Variants in FMN2 observed in about 807,000 individuals in gnomAD.
FMN2 encodes the protein formin-2.
Under a neutral mutation model 142.3 loss-of-function variants are expected in FMN2, and 51 were observed. The observed-to-expected ratio is 0.36, with a 90% CI of 0.29 to 0.45. The LOEUF is 0.45. Among genes scored for constraint, FMN2 ranks in the 20% least tolerant of loss-of-function variants. FMN2 has a pLI of 1.00. For missense variants in FMN2, 1,936 were observed against 2,122.8 expected (o/e 0.91, Z 1.73); for synonymous variants, 882 against 869.8 (o/e 1.01, Z -0.25).
chr1:240,277,437 C>CTTT (rs11444913), intron 7 of FMN2, among the ~76,000 whole-genome samples: 3,010 of 109,374 alleles, frequency 0.028, 98 homozygotes, highest in African/African-American at 0.08. Flanking sequence ...TCTGCCTTTT[C>CTTT]TTTTTTTTTT....
At chr1:240,360,672 G>A (rs1281865647) in intron 14 of FMN2, among the ~76,000 whole-genome samples, 3 of 152,088 alleles carry the variant, frequency 2.0e-5, no homozygotes, top group Non-Finnish European at 2.9e-5. Flanking sequence ...GAGAGTTTAC[G>A]TATGTTTATT....
Position 240,410,552 on chromosome 1 carries a change from A to G in FMN2, c.4910+17990A>G, listed in dbSNP as rs183054293. Among the ~76,000 whole-genome samples, 47 of 152,338 alleles carry G rather than the reference A, an allele frequency of 3.1e-4. No homozygotes were observed. In the East Asian group the frequency reaches 6.9e-3, roughly 22 times the overall value. On this transcript the variant is annotated intron_variant, in intron 15 of 17. Transcript: ENST00000319653. ...TTTTTCCTCAGATCATCAACCAAAT[A>G]AATTCCAAAAGGATTAAGGAAGTAA... is the stretch of plus-strand genomic sequence containing the variant.
At chr1:240,354,046 C>G (rs1339404033) in intron 13 of FMN2, among the ~76,000 whole-genome samples, 1 of 152,124 alleles carries the variant, frequency 6.6e-6, no homozygotes. Context: ...TGCTACAAAT[C>G]ATGGTGTAGG....
rs771600553 is a variant in FMN2 at position 240,207,472 on chromosome 1, C to T, written c.2660C>T (p.Thr887Ile). ...CCACCTCCCCCTCTCCCTGGCATGA[C>T]AGTGCCTACTCTGCCCAGTACAGCC... is the stretch of plus-strand genomic sequence containing the variant. ...PPPPPPLPGM[T>I]VPTLPSTAIP... Residue 887 changes from threonine to isoleucine, a missense_variant, in exon 5 of 18, where the codon ACA (threonine) becomes ATA (isoleucine). Physicochemically the swap from Thr to Ile is moderately conservative, Grantham distance 89 (BLOSUM62 -1). This residue lies in a region of FMN2 where 478 missense variants were observed against 462.8 expected (regional missense o/e 1.03). Transcript: ENST00000319653. The T allele has an allele frequency of 6.2e-7, 1 of 1,613,050 alleles. No homozygotes were observed. Among genetic ancestry groups the T allele is most frequent in the Admixed American group, 1.7e-5 (1 of 59,930 alleles).
At chr1:240,275,841 G>A (rs1026082562) in intron 7 of FMN2, among the ~76,000 whole-genome samples, 1 of 152,188 alleles carries the variant, frequency 6.6e-6, no homozygotes, top group African/African-American at 2.4e-5. Context: ...CCAATGACCA[G>A]TAATGATGAG....
chr1:240,448,067 T>A (rs1169221259), intron 16 of FMN2, among the ~76,000 whole-genome samples: 1 of 152,192 alleles, frequency 6.6e-6, no homozygotes. Context: ...GTACAACTCC[T>A]GCTACTTCCC....
chr1:240,254,128 G>A (rs1298957429), intron 6 of FMN2, among the ~76,000 whole-genome samples: 1 of 152,160 alleles, frequency 6.6e-6, no homozygotes, highest in Non-Finnish European at 1.5e-5. Flanking sequence ...AGTGGGCTGG[G>A]TGGCTGGGAG....
chr1:240,424,872 G>T (rs1370432924), intron 15 of FMN2, among the ~76,000 whole-genome samples: 1 of 152,158 alleles, frequency 6.6e-6, no homozygotes, highest in Non-Finnish European at 1.5e-5. Flanking sequence ...CAAAAAATTT[G>T]CCTCCAGAAA....
chr1:240,107,622 T>TCATC (rs1262804942), intron 1 of FMN2, among the ~76,000 whole-genome samples: 1 of 152,206 alleles, frequency 6.6e-6, no homozygotes, highest in Non-Finnish European at 1.5e-5. Flanking sequence ...TTGGTAGTTA[T>TCATC]CATCATATGT....
chr1:240,233,808 G>T (rs1165996636), intron 6 of FMN2, among the ~76,000 whole-genome samples: 3 of 152,108 alleles, frequency 2.0e-5, no homozygotes, highest in Admixed American at 6.6e-5. Context: ...GAAGCAAGAG[G>T]CAGGCGGACT....
chr1:240,360,573 A>G (rs1672428014), intron 14 of FMN2, among the ~76,000 whole-genome samples: 1 of 152,174 alleles, frequency 6.6e-6, no homozygotes, highest in Admixed American at 6.5e-5. Flanking sequence ...TGAAACCATA[A>G]GAAGGGTGCT....
At chr1:240,384,489 C>T (rs1030037798) in intron 14 of FMN2, among the ~76,000 whole-genome samples, 1 of 152,028 alleles carries the variant, frequency 6.6e-6, no homozygotes, top group African/African-American at 2.4e-5. Context: ...CTTGACATCT[C>T]GAACTATGGT....
chr1:240,388,353 TA>T, intron 14 of FMN2, among the ~76,000 whole-genome samples: 1 of 151,668 alleles, frequency 6.6e-6, no homozygotes, highest in Middle Eastern at 3.4e-3. Context: ...TATTAAAATC[TA>T]CTGCAATTCA....
chr1:240,141,250 G>C (rs1340452634), intron 2 of FMN2, among the ~76,000 whole-genome samples: 1 of 152,106 alleles, frequency 6.6e-6, no homozygotes, highest in Non-Finnish European at 1.5e-5. Context: ...AAAATACTAG[G>C]GATTCAAAGA....
intron 6 of FMN2, among the ~76,000 whole-genome samples, chr1:240,231,595 T>A (rs1029564448): frequency 6.6e-5 from 10 of 152,288 alleles, no homozygotes; most frequent in Admixed American, 5.9e-4. Context: ...GGGCCTGAGG[T>A]GTTTAATCTG....
intron 16 of FMN2, among the ~76,000 whole-genome samples, chr1:240,466,874 G>C (rs1287500237): frequency 6.6e-6 from 1 of 152,162 alleles, no homozygotes; most frequent in African/African-American, 2.4e-5. Flanking sequence ...TGGGGGCTGG[G>C]GAGAAGCCTG....
At chr1:240,299,092 C>T (rs187562004) in intron 8 of FMN2, among the ~76,000 whole-genome samples, 224 of 152,038 alleles carry the variant, frequency 1.5e-3, no homozygotes, top group Non-Finnish European at 2.7e-3. Flanking sequence ...GGATTACAGG[C>T]ACCCACCGCC....
chr1:240,405,559 G>A (rs1240972858), intron 15 of FMN2, among the ~76,000 whole-genome samples: 1 of 151,908 alleles, frequency 6.6e-6, no homozygotes, highest in Non-Finnish European at 1.5e-5. Context: ...CGGATGTTGC[G>A]GTAAGCTGAG....
At chr1:240,283,365 G>A (rs935910048) in intron 7 of FMN2, among the ~76,000 whole-genome samples, 10 of 152,138 alleles carry the variant, frequency 6.6e-5, no homozygotes, top group Non-Finnish European at 1.3e-4. Context: ...GCTCATGCTT[G>A]TATTACCATT....
Sources: gnomAD v4.1 joint callset for allele counts (sites outside exome capture counted in the v4.1 genomes callset) on GRCh38, gnomAD v4.1.1 for gene constraint, gnomAD v4.1.1 regional missense constraint, MANE v1.5 for transcripts, NCBI Gene and HGNC (gene_info 2026-07-23, HGNC 2026-07-21) for gene names.